TMEM132D: variants seen among roughly 807,000 people sequenced by gnomAD.
The protein encoded by TMEM132D is transmembrane protein 132D.
A neutral mutation model predicts 62.3 loss-of-function variants in TMEM132D; 21 were observed. That is an observed-to-expected ratio of 0.34 (90% CI 0.24 to 0.49). The LOEUF (loss-of-function observed/expected upper bound fraction) is 0.49. Ranked by LOEUF, TMEM132D falls within the 20% of genes least tolerant of loss-of-function variation. TMEM132D has a pLI of 0.99. For missense variants in TMEM132D, 1,346 were observed against 1,402.8 expected, an observed-to-expected ratio of 0.96 and a Z score of 0.65; for synonymous variants, 621 against 575.6, an observed-to-expected ratio of 1.08 and a Z score of -1.13.
intron 3 of TMEM132D, among the ~76,000 whole-genome samples, chr12:129,358,436 C>T (rs1870143203): frequency 2.6e-5 from 4 of 152,134 alleles, no homozygotes; most frequent in Non-Finnish European, 4.4e-5. Context: ...TACAGCTCCA[C>T]GTGCAGCGAC....
intron 2 of TMEM132D, among the ~76,000 whole-genome samples, chr12:129,600,074 C>T (rs754384892): frequency 1.8e-4 from 28 of 152,290 alleles, no homozygotes; most frequent in African/African-American, 5.8e-4. Context: ...AGCATTTTAC[C>T]CACAGCAGAA....
intron 3 of TMEM132D, among the ~76,000 whole-genome samples, chr12:129,389,249 A>T (rs1178922728): frequency 6.6e-6 from 1 of 152,162 alleles, no homozygotes; most frequent in African/African-American, 2.4e-5. Context: ...CACTAATACT[A>T]ACACCAACAC....
chr12:129,648,027 CCT>C (rs2137180719), intron 2 of TMEM132D, among the ~76,000 whole-genome samples: 1 of 152,296 alleles, frequency 6.6e-6, no homozygotes, highest in South Asian at 2.1e-4. Flanking sequence ...AAAGTCCCTC[CCT>C]GTTTGGAGAC....
intron 5 of TMEM132D, among the ~76,000 whole-genome samples, chr12:129,195,491 G>A (rs1051352420): frequency 7.9e-5 from 12 of 152,066 alleles, no homozygotes; most frequent in African/African-American, 2.9e-4. Context: ...TTGACTCTCG[G>A]GTGGGGAGTG....
intron 3 of TMEM132D, among the ~76,000 whole-genome samples, chr12:129,380,028 A>G (rs1297282434): frequency 6.6e-6 from 1 of 152,230 alleles, no homozygotes; most frequent in African/African-American, 2.4e-5. Flanking sequence ...TGAGTCTAAA[A>G]GAGACCTTTT....
intron 1 of TMEM132D, among the ~76,000 whole-genome samples, chr12:129,849,227 C>A (rs1306304871): frequency 4.6e-5 from 7 of 152,160 alleles, no homozygotes; most frequent in Non-Finnish European, 1.0e-4. Flanking sequence ...TTTCATTTCC[C>A]AAACCCAAGT....
At chr12:129,730,799 T>C (rs1379596379) in intron 1 of TMEM132D, among the ~76,000 whole-genome samples, 2 of 151,924 alleles carry the variant, frequency 1.3e-5, no homozygotes, top group Non-Finnish European at 2.9e-5. Context: ...TCCATCTTTC[T>C]CCCGTGCTGG....
chr12:129,903,948 C>A lies in TMEM132D; in HGVS notation c.-609G>T, dbSNP rs980636099. Among the ~76,000 whole-genome samples, 17 of 148,178 alleles carry A rather than the reference C, an allele frequency of 1.1e-4. No homozygotes were observed. Among genetic ancestry groups the A allele is most frequent in the Admixed American group, 6.7e-5 (1 of 14,898 alleles). Reference sequence around the variant, plus strand: ...ACCCAAAGTTTGGCGGGTGCGGCTGCTCCCCGGCCGCCGCCTCGGCCCGCC... The same window carrying A: ...ACCCAAAGTTTGGCGGGTGCGGCTGATCCCCGGCCGCCGCCTCGGCCCGCC... On this transcript the variant is annotated 5_prime_UTR_variant, in exon 1 of 9. Transcript: ENST00000422113. The surrounding 1 kb of genome is among the most constrained non-coding windows in gnomAD (Gnocchi z 6.2).
chr12:129,895,601 G>A (rs1381077651), intron 1 of TMEM132D, among the ~76,000 whole-genome samples: 1 of 152,182 alleles, frequency 6.6e-6, no homozygotes, highest in African/African-American at 2.4e-5. Flanking sequence ...TTTGAGCCAT[G>A]CTCGGGCATG....
chr12:129,125,105 A>C lies in TMEM132D; in HGVS notation c.1444-40403T>G, dbSNP rs76230807. On this transcript the variant is annotated intron_variant, in intron 5 of 8. Transcript: ENST00000422113. ...TTATTGATGTTTCATGCTCTTCTGCAAGTCTGCGGAGGTGATGATGCAAAT... is the reference window on the plus strand; with the variant it reads ...TTATTGATGTTTCATGCTCTTCTGCCAGTCTGCGGAGGTGATGATGCAAAT... 7.5e-3 allele frequency among the ~76,000 whole-genome samples: 1,143 copies of C among 152,298 alleles called. 5 individuals are homozygous for C. The highest frequency in any genetic ancestry group is 0.013 in the Non-Finnish European group (879 of 68,024).
chr12:129,644,511 G>C (rs1051029032), intron 2 of TMEM132D, among the ~76,000 whole-genome samples: 2 of 152,124 alleles, frequency 1.3e-5, no homozygotes, highest in Admixed American at 1.3e-4. Context: ...AGACCAGGCA[G>C]TGTGAATGGG....
intron 1 of TMEM132D, among the ~76,000 whole-genome samples, chr12:129,759,321 G>C (rs1266077911): frequency 6.6e-6 from 1 of 152,160 alleles, no homozygotes; most frequent in Non-Finnish European, 1.5e-5. Context: ...ATGTGTTAGG[G>C]TTTGGCCTTC....
intron 4 of TMEM132D, among the ~76,000 whole-genome samples, chr12:129,217,680 AG>A (rs573231643): frequency 6.4e-4 from 97 of 151,906 alleles, no homozygotes; most frequent in African/African-American, 2.2e-3. Flanking sequence ...TGGACATAAA[AG>A]CTAACTGGCC....
At chr12:129,091,948 A>G (rs1874937059) in intron 5 of TMEM132D, among the ~76,000 whole-genome samples, 1 of 152,198 alleles carries the variant, frequency 6.6e-6, no homozygotes, top group Admixed American at 6.5e-5. Context: ...TGGGAGATGA[A>G]CTGGAGAAAT....
chr12:129,468,068 T>C (rs745487896), intron 3 of TMEM132D, among the ~76,000 whole-genome samples: 37 of 152,170 alleles, frequency 2.4e-4, no homozygotes, highest in Non-Finnish European at 5.0e-4. Context: ...TCCTGAAATA[T>C]ATTTTTCTAC....
chr12:129,419,757 C>T (rs1872243565), intron 3 of TMEM132D, among the ~76,000 whole-genome samples: 1 of 151,976 alleles, frequency 6.6e-6, no homozygotes, highest in African/African-American at 2.4e-5. Context: ...TGAATCCTGC[C>T]CCATTGGAAG....
intron 3 of TMEM132D, among the ~76,000 whole-genome samples, chr12:129,426,203 C>T (rs73422547): frequency 6.6e-6 from 1 of 152,164 alleles, no homozygotes; most frequent in Non-Finnish European, 1.5e-5. Context: ...GTTTTCATCC[C>T]ATGACTGCCT....
intron 1 of TMEM132D, among the ~76,000 whole-genome samples, chr12:129,767,834 G>C (rs1236328406): frequency 1.3e-5 from 2 of 152,094 alleles, no homozygotes; most frequent in African/African-American, 4.8e-5. Context: ...ACCAAGACTT[G>C]GTAATTCACA....
At chr12:129,376,174 A>T (rs1870774238) in intron 3 of TMEM132D, among the ~76,000 whole-genome samples, 1 of 152,196 alleles carries the variant, frequency 6.6e-6, no homozygotes, top group Non-Finnish European at 1.5e-5. Flanking sequence ...TAGGGTGGCC[A>T]GGAAAGGTGC....
Sources: gnomAD v4.1 joint callset for allele counts (sites outside exome capture counted in the v4.1 genomes callset) on GRCh38, gnomAD v4.1.1 for gene constraint, Gnocchi (gnomAD v3.1) non-coding constraint, MANE v1.5 for transcripts, NCBI Gene and HGNC (gene_info 2026-07-23, HGNC 2026-07-21) for gene names.